The following TANC2 variants were observed in gnomAD, a reference collection of about 807,000 sequenced individuals.
TANC2 encodes the protein protein TANC2.
Under a neutral mutation model 210.5 loss-of-function variants are expected in TANC2, and 26 were observed. That is an observed-to-expected ratio of 0.12 (90% CI 0.09 to 0.17). The LOEUF is 0.17. TANC2 is among the 10% of genes least tolerant of loss of function. TANC2 has a pLI of 1.00. For synonymous variants in TANC2, 931 were observed against 967.1 expected, an observed-to-expected ratio of 0.96 and a Z score of 0.69; for missense variants, 2,129 against 2,608.9, an observed-to-expected ratio of 0.82 and a Z score of 4.01.
At chr17:63,234,349 C>A (rs1172105467) in intron 7 of TANC2, among the ~76,000 whole-genome samples, 2 of 152,130 alleles carry the variant, frequency 1.3e-5, no homozygotes, top group Non-Finnish European at 2.9e-5. Flanking sequence ...TAGGCAGTTT[C>A]TTGGCTTAAA....
intron 2 of TANC2, among the ~76,000 whole-genome samples, chr17:63,025,812 A>AAAATT (rs971548103): frequency 4.8e-5 from 7 of 146,452 alleles, no homozygotes; most frequent in Non-Finnish European, 9.0e-5. Context: ...AAAATAAAAT[A>AAAATT]AAATTAAATT....
chr17:63,367,787 G>A (rs369529475), intron 14 of TANC2, among the ~76,000 whole-genome samples: 14 of 152,142 alleles, frequency 9.2e-5, no homozygotes, highest in Admixed American at 2.6e-4. Flanking sequence ...AATAAGATGC[G>A]TGATCAGGAA....
At chr17:63,332,411 G>T in intron 11 of TANC2, 1 of 321,030 alleles carries the variant, frequency 3.1e-6, no homozygotes. Context: ...TATATTCACA[G>T]TACCCTGTTG....
intron 5 of TANC2, among the ~76,000 whole-genome samples, chr17:63,190,242 A>G (rs1232099819): frequency 6.6e-6 from 1 of 152,178 alleles, no homozygotes; most frequent in Admixed American, 6.5e-5. Flanking sequence ...CAGGAGGCTG[A>G]GGCAAGAGGA....
intron 7 of TANC2, among the ~76,000 whole-genome samples, chr17:63,223,672 T>C (rs1223100987): frequency 6.6e-6 from 1 of 151,990 alleles, no homozygotes; most frequent in Non-Finnish European, 1.5e-5. Context: ...AGAAGGTAAC[T>C]TTCAGGTCAT....
At chr17:63,424,435 T>C (rs2049097654) in exon 28 of TANC2, 1 of 152,242 alleles carries the variant, frequency 6.6e-6, no homozygotes, top group Admixed American at 6.5e-5. Flanking sequence ...CTGTGCCCTG[T>C]GCCCTGTTTG....
intron 17 of TANC2, chr17:63,390,804 T>C (rs575120416): frequency 1.3e-5 from 2 of 152,358 alleles, no homozygotes; most frequent in East Asian, 1.9e-4. Context: ...TGATCTTAGC[T>C]GGGTCTTTCC....
At chr17:63,259,304 C>T (rs547979948) in intron 8 of TANC2, among the ~76,000 whole-genome samples, 4 of 152,204 alleles carry the variant, frequency 2.6e-5, no homozygotes, top group South Asian at 2.1e-4. Context: ...GGAGGGGTGA[C>T]GTTAGCACTC....
chr17:63,104,646 G>A (rs2037755057), intron 4 of TANC2, among the ~76,000 whole-genome samples: 1 of 152,170 alleles, frequency 6.6e-6, no homozygotes, highest in Admixed American at 6.5e-5. Flanking sequence ...AGGAACCCAT[G>A]TGTGTTTTTA....
At chr17:63,410,835 A>G (rs1272161331) in intron 21 of TANC2, among the ~76,000 whole-genome samples, 1 of 124,638 alleles carries the variant, frequency 8.0e-6, no homozygotes, top group Admixed American at 9.6e-5. Context: ...CACTCCAGCC[A>G]GGGCAACGGA....
chr17:63,169,995 T>C lies in TANC2; in HGVS notation c.433+18615T>C, dbSNP rs185066582. On this transcript the variant is annotated intron_variant, in intron 5 of 27. Coordinates refer to ENST00000689528, the Ensembl canonical transcript of TANC2. Reference sequence around the variant, plus strand: ...TTAGCCAGGCGCGGTGGCAGGTGCCTGTAGTCCCAGCTACTCGGGAGGCTG... The same window carrying C: ...TTAGCCAGGCGCGGTGGCAGGTGCCCGTAGTCCCAGCTACTCGGGAGGCTG... Among the ~76,000 whole-genome samples, 453 of 151,122 alleles carry C rather than the reference T, an allele frequency of 3.0e-3. 1 individual carries two copies. Among genetic ancestry groups the C allele is most frequent in the Non-Finnish European group, 4.9e-3 (333 of 67,870 alleles).
rs2048919463 is a variant in TANC2 at position 63,418,088 on chromosome 17, A to T, written c.4168-219A>T. Reference sequence around the variant, plus strand: ...TTAAAACTATTTTAATATTCTGGGCAGATAAAGTCCAGTGAGCAGTCGCAG... The same window carrying T: ...TTAAAACTATTTTAATATTCTGGGCTGATAAAGTCCAGTGAGCAGTCGCAG... On this transcript the variant is annotated intron_variant, in intron 26 of 27. Transcript: ENST00000689528. The surrounding 1 kb of genome is among the most constrained non-coding windows in gnomAD (Gnocchi z 4.6). Among the ~76,000 whole-genome samples the T allele has an allele frequency of 6.6e-6, 1 of 152,256 alleles. No homozygotes were observed. The highest frequency in any genetic ancestry group is 1.5e-5 in the Non-Finnish European group (1 of 68,042).
intron 11 of TANC2, among the ~76,000 whole-genome samples, chr17:63,333,721 G>A (rs2045934287): frequency 6.6e-6 from 1 of 152,066 alleles, no homozygotes; most frequent in Non-Finnish European, 1.5e-5. Flanking sequence ...TTCATGAAAG[G>A]AAGAGCCAAT....
intron 1 of TANC2, among the ~76,000 whole-genome samples, chr17:63,003,039 A>G (rs894436344): frequency 2.0e-5 from 3 of 152,180 alleles, no homozygotes; most frequent in Non-Finnish European, 4.4e-5. Context: ...ATAAACAGCT[A>G]TATTTTTCTC....
In TANC2 at chr17:63,290,004, C is replaced by T. The variant is rs146459696; in HGVS notation, c.1159+22131C>T. 3.7e-3 allele frequency among the ~76,000 whole-genome samples: 561 copies of T among 152,252 alleles called. 6 individuals carry two copies. The highest frequency in any genetic ancestry group is 0.011 in the African/African-American group (475 of 41,534). On this transcript the variant is annotated intron_variant, in intron 9 of 27. Coordinates refer to ENST00000689528, the Ensembl canonical transcript of TANC2. The stretch of plus-strand genomic sequence containing the variant: ...AGACAGTTGGGTATTTCCCTTCTCC[C>T]ACAAGGAATGCTTCCCTTCAGTTAG...
intron 1 of TANC2, among the ~76,000 whole-genome samples, chr17:62,993,756 G>A (rs904953009): frequency 3.3e-5 from 5 of 151,882 alleles, no homozygotes; most frequent in African/African-American, 4.8e-5. Context: ...GCAAGACCCC[G>A]TCTCTGCAAA....
intron 11 of TANC2, among the ~76,000 whole-genome samples, chr17:63,339,756 G>A (rs2046165106): frequency 6.6e-6 from 1 of 152,080 alleles, no homozygotes; most frequent in Non-Finnish European, 1.5e-5. Context: ...GCTCCATGCT[G>A]AATAAATGTT....
At chr17:63,187,119 G>A (rs1218238480) in intron 5 of TANC2, among the ~76,000 whole-genome samples, 1 of 152,116 alleles carries the variant, frequency 6.6e-6, no homozygotes, top group Non-Finnish European at 1.5e-5. Context: ...GAGAAATTTT[G>A]AGAGTTTTGA....
intron 9 of TANC2, among the ~76,000 whole-genome samples, chr17:63,270,907 A>C (rs2043680847): frequency 6.6e-6 from 1 of 152,152 alleles, no homozygotes; most frequent in South Asian, 2.1e-4. Flanking sequence ...TACAAGTGAG[A>C]ACATGCGGCA....
Sources: allele counts gnomAD v4.1 joint callset (sites outside exome capture counted in the v4.1 genomes callset), GRCh38; gene constraint gnomAD v4.1.1; non-coding constraint Gnocchi (gnomAD v3.1); transcripts MANE v1.5; gene names NCBI Gene and HGNC (gene_info 2026-07-23, HGNC 2026-07-21).